CAPN9: variants seen among roughly 807,000 people sequenced by gnomAD.
The protein encoded by CAPN9 is calpain 9, also known as calpain-9.
In CAPN9, 81 loss-of-function variants were observed where a neutral mutation model predicts 92.8. The observed-to-expected ratio is 0.87, with a 90% confidence interval of 0.73 to 1.05. The LOEUF is 1.05. Ranked by LOEUF, CAPN9 falls within the 50% of genes least tolerant of loss-of-function variation. The pLI is 0.00. For missense variants in CAPN9, 848 were observed against 866.2 expected, an observed-to-expected ratio of 0.98 and a Z score of 0.26; for synonymous variants, 304 against 328.0, an observed-to-expected ratio of 0.93 and a Z score of 0.79.
At chr1:230,789,522 C>T (rs1414760080) in intron 13 of CAPN9, among the ~76,000 whole-genome samples, 2 of 143,660 alleles carry the variant, frequency 1.4e-5, no homozygotes, top group Non-Finnish European at 3.0e-5. Flanking sequence ...AGGGCAAGGT[C>T]TGAGACTCTC....
rs988420001 is a variant in CAPN9, at chr1:230,754,138, A to G, written c.214-1199A>G. The stretch of plus-strand genomic sequence containing the variant: ...GGGAGGGGCGGGGCAGGAGGCTGGG[A>G]AGGGGCGGGGCTTCCGAGAGCACCG... On this transcript the variant is annotated intron_variant, in intron 1 of 19. Transcript: ENST00000271971. Among the ~76,000 whole-genome samples, 657 of 150,870 alleles carry G rather than the reference A, an allele frequency of 4.4e-3. 7 individuals carry two copies. The highest frequency in any genetic ancestry group is 0.016 in the African/African-American group (634 of 40,482).
chr1:230,780,403 G>C (rs1177459233), intron 10 of CAPN9, 67 bp downstream of exon 10: 6 of 1,600,470 alleles, frequency 3.7e-6, no homozygotes, highest in Non-Finnish European at 5.1e-6. Flanking sequence ...CTCCTCCTCG[G>C]TCTCACACCC....
Position 230,795,186 on chromosome 1 carries a change from C to T in CAPN9, c.1894C>T (p.Leu632=). 2 of 1,612,472 alleles carry T rather than the reference C, an allele frequency of 1.2e-6. No homozygotes were observed. The highest frequency in any genetic ancestry group is 8.5e-7 in the Non-Finnish European group (1 of 1,178,838). ...AGGCTTTCAGCTGAGCAGCCACCTCCTGCAGCTGATTGTGCTCAGGTATGC... is the reference window on the plus strand; with the variant it reads ...AGGCTTTCAGCTGAGCAGCCACCTCTTGCAGCTGATTGTGCTCAGGTATGC... ...AAGFQLSSHL[L]QLIVLRYADE... Residue 632 remains leucine, a synonymous_variant, in exon 18 of 20, where the codon CTG becomes TTG. Transcript: ENST00000271971.
Position 230,801,935 on chromosome 1 carries a change from C to A in CAPN9, c.*339C>A. The A allele has an allele frequency of 3.0e-6, 1 of 338,782 alleles. No homozygotes were observed. Among genetic ancestry groups the A allele is most frequent in the Non-Finnish European group, 5.4e-6 (1 of 183,662 alleles). 21.0% of individuals were successfully genotyped at this position (338,782 alleles called of 1,614,324 possible). A position where few individuals can be genotyped will look rare whatever the true frequency, so the allele number is the denominator to read the frequency against. ...TTCTAACGCACAGAATCCTGACTTC[C>A]ATGTAGCTCCAGTCATTGTGATCAG... On this transcript the variant is annotated 3_prime_UTR_variant, in exon 20 of 20. Coordinates refer to ENST00000271971, the MANE Select transcript of CAPN9 (RefSeq NM_006615.3).
intron 19 of CAPN9, among the ~76,000 whole-genome samples, chr1:230,798,436 C>A (rs1481616963): frequency 6.6e-6 from 1 of 152,108 alleles, no homozygotes; most frequent in African/African-American, 2.4e-5. Context: ...CAATAGTATC[C>A]CCATTTTGCA....
At chr1:230,783,978 G>A (rs1220228261) in intron 11 of CAPN9, among the ~76,000 whole-genome samples, 2 of 152,248 alleles carry the variant, frequency 1.3e-5, no homozygotes, top group African/African-American at 2.4e-5. Flanking sequence ...AAGGTTATGT[G>A]TGTTATGCCC....
intron 17 of CAPN9, among the ~76,000 whole-genome samples, chr1:230,793,278 T>A (rs1668130825): frequency 6.6e-6 from 1 of 152,226 alleles, no homozygotes. Flanking sequence ...CTGCAGTGAT[T>A]CCAAACTTCT....
intron 16 of CAPN9, 105 bp from the exon 17 acceptor site, chr1:230,792,745 G>T (rs1421549389): frequency 1.0e-6 from 1 of 958,532 alleles, no homozygotes; most frequent in Non-Finnish European, 1.6e-6. Context: ...GGCCTCTGCG[G>T]CCCCTAGAGG....
intron 5 of CAPN9, among the ~76,000 whole-genome samples, chr1:230,768,041 TA>T (rs955079746): frequency 8.1e-6 from 1 of 123,548 alleles, no homozygotes; most frequent in Admixed American, 7.9e-5. Context: ...AATAAATAAA[TA>T]AATAAATAAA....
chr1:230,749,276 C>T (rs772371394), intron 1 of CAPN9, among the ~76,000 whole-genome samples: 11 of 152,160 alleles, frequency 7.2e-5, no homozygotes, highest in African/African-American at 1.2e-4. Flanking sequence ...TGGCAGATCA[C>T]GTGGGGTTGC....
chr1:230,773,254 G>A (rs573605963), intron 7 of CAPN9, among the ~76,000 whole-genome samples: 46 of 152,244 alleles, frequency 3.0e-4, no homozygotes, highest in East Asian at 9.7e-4. Flanking sequence ...CTTGGCTGCC[G>A]CCTTCTGAGA....
chr1:230,766,617 A>T (rs894771225), intron 4 of CAPN9, among the ~76,000 whole-genome samples: 1 of 152,206 alleles, frequency 6.6e-6, no homozygotes, highest in African/African-American at 2.4e-5. Context: ...CCTGGGTGGG[A>T]TTCTGGAACA....
Position 230,791,749 on chromosome 1 carries a change from C to T in CAPN9, c.1658-115C>T, listed in dbSNP as rs1668003169. The T allele has an allele frequency of 8.4e-6, 6 of 715,278 alleles. No individual in the cohort carries two copies. In the East Asian group the frequency reaches 1.5e-4, roughly 18 times the overall value. The allele number at this position is 715,278 out of a possible 1,614,324, so 44.3% of individuals were successfully genotyped here. A position where few individuals can be genotyped will look rare whatever the true frequency, so the allele number is the denominator to read the frequency against. On this transcript the variant is annotated intron_variant, in intron 14 of 19. Coordinates refer to ENST00000271971, the MANE Select transcript of CAPN9 (RefSeq NM_006615.3). ...CCTACCAGCATCATAAGAGAGTAGCCACATCACAGCCCCCAACAGCCCTGG... is the reference window on the plus strand; with the variant it reads ...CCTACCAGCATCATAAGAGAGTAGCTACATCACAGCCCCCAACAGCCCTGG...
intron 1 of CAPN9, 127 bp from the exon 2 acceptor site, chr1:230,755,210 T>G (rs1325521934): frequency 3.0e-5 from 22 of 725,400 alleles, no homozygotes; most frequent in Non-Finnish European, 4.9e-5. Flanking sequence ...GTGGCCCTCC[T>G]CAGGGAAAAG....
Position 230,759,551 on chromosome 1 carries a change from T to C in CAPN9, c.323T>C (p.Leu108Pro), listed in dbSNP as rs1480562781. The change falls in exon 3 of 20, where the codon CTT becomes CCT. Residue 108 changes from leucine to proline, a missense_variant. By Grantham distance (98) the Leu-to-Pro change is moderately conservative (BLOSUM62 -3). Transcript: ENST00000271971. ...TTAGCCGCCATCGCCTCCCTTACGC[T>C]TAATCAAAAAGCACTGGCCAGAGTC... is the stretch of plus-strand genomic sequence containing the variant. ...WLLAAIASLT[L>P]NQKALARVIP... is the part of the protein sequence containing the mutation. 2 of 1,611,908 alleles carry C rather than the reference T, an allele frequency of 1.2e-6. No individual in the cohort carries two copies.
At position 230,747,800 on chromosome 1, in the gene CAPN9, C is replaced by T. The variant is rs74144819; in HGVS notation, c.213+91C>T. 2,537 of 1,141,108 alleles carry T rather than the reference C, an allele frequency of 2.2e-3. 39 individuals are homozygous for T. The African/African-American group carries it at 0.029, about 13-fold the overall frequency. 70.7% of individuals were successfully genotyped at this position (1,141,108 alleles called of 1,614,324 possible). A position where few individuals can be genotyped will look rare whatever the true frequency, so the allele number is the denominator to read the frequency against. ...GGAAACAGGGGTGCTGGGGAGGGGC[C>T]GGCTACGCTCAGTGCAACTGAGGTG... On this transcript the variant is annotated intron_variant, in intron 1 of 19. Transcript: ENST00000271971.
At position 230,783,047 on chromosome 1, in the gene CAPN9, C is replaced by T. The variant is rs1667335839; in HGVS notation, c.1481+2339C>T. Among the ~76,000 whole-genome samples the T allele has an allele frequency of 2.0e-5, 3 of 152,130 alleles. No homozygotes were observed. The South Asian group carries it at 6.2e-4, about 32-fold the overall frequency. On this transcript the variant is annotated intron_variant, in intron 11 of 19. Transcript: ENST00000271971. Reference sequence around the variant, plus strand: ...AATGGTGGTTTTTTTGGTTCTGATTCAACTTTGTAATCTTTTAAAATGCAC... The same window carrying T: ...AATGGTGGTTTTTTTGGTTCTGATTTAACTTTGTAATCTTTTAAAATGCAC...
rs28741102 is a variant in CAPN9 at position 230,785,350 on chromosome 1, C to T, written c.1482-631C>T. Among the ~76,000 whole-genome samples, 7 of 152,194 alleles carry T rather than the reference C, an allele frequency of 4.6e-5. No individual in the cohort carries two copies. The South Asian group carries it at 1.5e-3, about 32-fold the overall frequency. ...GTGAGAAGGACATGAGATTTGAGGGCCCATAGCAGAATGATAGAGTTTGAA... is the reference window on the plus strand; with the variant it reads ...GTGAGAAGGACATGAGATTTGAGGGTCCATAGCAGAATGATAGAGTTTGAA... On this transcript the variant is annotated intron_variant, in intron 11 of 19. Coordinates refer to ENST00000271971, the MANE Select transcript of CAPN9 (RefSeq NM_006615.3).
intron 13 of CAPN9, 57 bp from the exon 14 acceptor site, chr1:230,790,075 T>A: frequency 6.8e-7 from 1 of 1,461,452 alleles, no homozygotes. Flanking sequence ...AAAACAAAAA[T>A]AAACTATAAA....
Sources: gnomAD v4.1 joint callset for allele counts (sites outside exome capture counted in the v4.1 genomes callset) on GRCh38, gnomAD v4.1.1 for gene constraint, MANE v1.5 for transcripts, NCBI Gene and HGNC (gene_info 2026-07-23, HGNC 2026-07-21) for gene names.